BCR: variants seen among roughly 807,000 people sequenced by gnomAD.
BCR encodes the protein breakpoint cluster region protein.
In BCR, 58 loss-of-function variants were observed where a neutral mutation model predicts 138.6. The observed-to-expected ratio is 0.42, with a 90% CI of 0.34 to 0.52. BCR has a LOEUF of 0.52. Ranked by LOEUF, BCR falls within the 20% of genes least tolerant of loss-of-function variation. The pLI, the probability that BCR is intolerant of heterozygous loss-of-function variation, is 0.06. For missense variants in BCR, 1,599 were observed against 1,727.2 expected, an observed-to-expected ratio of 0.93 and a Z score of 1.32; for synonymous variants, 786 against 730.1, an observed-to-expected ratio of 1.08 and a Z score of -1.23.
At chr22:23,306,216 C>T (rs1293844080) in intron 16 of BCR, 1 of 152,206 alleles carries the variant, frequency 6.6e-6, no homozygotes, top group Non-Finnish European at 1.5e-5. Flanking sequence ...GAGAGGGGCC[C>T]GATAAAGAGC....
At chr22:23,267,572 G>A (rs931290248) in intron 4 of BCR, among the ~76,000 whole-genome samples, 1 of 152,214 alleles carries the variant, frequency 6.6e-6, no homozygotes, top group Non-Finnish European at 1.5e-5. Context: ...TGGGCTTCCA[G>A]CTTGCAGTCA....
intron 15 of BCR, among the ~76,000 whole-genome samples, chr22:23,294,453 TGCAGTG>T (rs2073823738): frequency 6.6e-6 from 1 of 152,234 alleles, no homozygotes; most frequent in Non-Finnish European, 1.5e-5. Context: ...CAGCCTGGAA[TGCAGTG>T]GCATGATCTT....
At position 23,315,629 on chromosome 22, in the gene BCR, A is replaced by G; in HGVS notation, c.*107A>G. On this transcript the variant is annotated 3_prime_UTR_variant, in exon 23 of 23. Coordinates refer to ENST00000305877, the MANE Select transcript of BCR (RefSeq NM_004327.4). ...CCTGAGGTGTCCTTGGGCCACCCCC[A>G]AGTGTTGGGCCATCTGCCAAGAGAC... 1 of 1,046,918 alleles carries G rather than the reference A, an allele frequency of 9.6e-7. No homozygotes were observed. The highest frequency in any genetic ancestry group is 1.5e-6 in the Non-Finnish European group (1 of 684,230). The allele number at this position is 1,046,918 out of a possible 1,614,324, so 64.9% of individuals were successfully genotyped here.
intron 8 of BCR, among the ~76,000 whole-genome samples, chr22:23,278,116 C>T (rs1439228229): frequency 1.3e-5 from 2 of 152,234 alleles, no homozygotes; most frequent in Non-Finnish European, 2.9e-5. Context: ...TGACTTCCCA[C>T]GTGGTTGCCT....
intron 1 of BCR, among the ~76,000 whole-genome samples, chr22:23,186,237 G>A (rs781209094): frequency 6.6e-6 from 1 of 152,232 alleles, no homozygotes; most frequent in Admixed American, 6.5e-5. Context: ...GGCCACCCAC[G>A]TCTGCCTTGT....
At chr22:23,261,302 T>G in intron 3 of BCR, 53 bp from the exon 4 acceptor site, 7 of 1,557,250 alleles carry the variant, frequency 4.5e-6, no homozygotes, top group Non-Finnish European at 6.1e-6. Flanking sequence ...ACAATGCACC[T>G]GACGGATGGC....
Position 23,221,159 on chromosome 22 carries a change from T to C in BCR, c.1280-32640T>C, listed in dbSNP as rs113209443. On this transcript the variant is annotated intron_variant, in intron 1 of 22. Coordinates refer to ENST00000305877, the MANE Select transcript of BCR (RefSeq NM_004327.4). ...CTTCCTAGTGCATGAGTAATTCATA[T>C]CCACTATTTGCTCCCTCTTTTACAA... 5.9e-3 allele frequency among the ~76,000 whole-genome samples: 901 copies of C among 152,340 alleles called. 9 individuals carry two copies. The highest frequency in any genetic ancestry group is 0.018 in the African/African-American group (761 of 41,562).
chr22:23,298,463 T>G (rs1479959794), intron 16 of BCR, among the ~76,000 whole-genome samples: 1 of 152,208 alleles, frequency 6.6e-6, no homozygotes, highest in East Asian at 1.9e-4. Flanking sequence ...CCCACCACAC[T>G]CAGTGTGACC....
chr22:23,261,692 A>G (rs1412944646), intron 4 of BCR, 152 bp downstream of exon 4: 1 of 763,774 alleles, frequency 1.3e-6, no homozygotes, highest in African/African-American at 1.8e-5. Context: ...TCAGCCTCCC[A>G]AAGTACTGAG....
intron 1 of BCR, among the ~76,000 whole-genome samples, chr22:23,192,973 C>T (rs1207569927): frequency 3.3e-5 from 5 of 152,122 alleles, no homozygotes; most frequent in South Asian, 2.1e-4. Flanking sequence ...AAGGGGACCC[C>T]AGAAGAAGAG....
chr22:23,189,310 C>G (rs1484924380), intron 1 of BCR, among the ~76,000 whole-genome samples: 1 of 152,124 alleles, frequency 6.6e-6, no homozygotes, highest in Non-Finnish European at 1.5e-5. Flanking sequence ...ATCCATCAGA[C>G]TTTAACTCCC....
At chr22:23,206,533 T>C (rs919286033) in intron 1 of BCR, among the ~76,000 whole-genome samples, 9 of 149,214 alleles carry the variant, frequency 6.0e-5, no homozygotes, top group East Asian at 5.9e-4. Flanking sequence ...GCCGAGATTG[T>C]GCCACTGCAC....
intron 16 of BCR, among the ~76,000 whole-genome samples, chr22:23,308,914 T>G (rs5759695): frequency 0.083 from 12,613 of 151,744 alleles, 574 homozygotes; most frequent in East Asian, 0.15. Flanking sequence ...TTAGGGCTTG[T>G]TTCTGGGTCC....
intron 16 of BCR, among the ~76,000 whole-genome samples, chr22:23,295,594 T>TA (rs1232049744): frequency 6.6e-6 from 1 of 152,108 alleles, no homozygotes; most frequent in African/African-American, 2.4e-5. Context: ...ATCTGTGGTC[T>TA]AGACCCAATT....
chr22:23,202,527 C>G (rs949135843), intron 1 of BCR, among the ~76,000 whole-genome samples: 1 of 152,122 alleles, frequency 6.6e-6, no homozygotes, highest in Non-Finnish European at 1.5e-5. Context: ...CTTCTTCCCC[C>G]ACGCCCAGTC....
At chr22:23,284,659 G>A (rs576024468) in intron 9 of BCR, among the ~76,000 whole-genome samples, 2 of 152,318 alleles carry the variant, frequency 1.3e-5, no homozygotes, top group South Asian at 2.1e-4. Flanking sequence ...GTCAGGCGAG[G>A]GGATGACGCC....
At chr22:23,215,341 T>C (rs981245199) in intron 1 of BCR, among the ~76,000 whole-genome samples, 1 of 152,208 alleles carries the variant, frequency 6.6e-6, no homozygotes, top group African/African-American at 2.4e-5. Context: ...GTCTTGCACA[T>C]GTGCCCCAGG....
At chr22:23,195,740 T>G (rs2072471896) in intron 1 of BCR, among the ~76,000 whole-genome samples, 1 of 150,358 alleles carries the variant, frequency 6.7e-6, no homozygotes, top group Non-Finnish European at 1.5e-5. Context: ...TACAAAAAAT[T>G]AATTGGGCAT....
intron 1 of BCR, among the ~76,000 whole-genome samples, chr22:23,226,028 G>A (rs1382508191): frequency 1.3e-5 from 2 of 152,182 alleles, no homozygotes; most frequent in South Asian, 2.1e-4. Context: ...CACATCCGGC[G>A]CCCTTTCTTT....
Sources: gnomAD v4.1 joint callset for allele counts (sites outside exome capture counted in the v4.1 genomes callset) on GRCh38, gnomAD v4.1.1 for gene constraint, MANE v1.5 for transcripts, NCBI Gene and HGNC (gene_info 2026-07-23, HGNC 2026-07-21) for gene names.